The following PPARGC1A variants were observed in gnomAD, a reference collection of about 807,000 sequenced individuals.
PPARGC1A encodes the protein PPARG coactivator 1 alpha, also known as peroxisome proliferator-activated receptor gamma coactivator 1-alpha.
In PPARGC1A, 25 loss-of-function variants were observed where a neutral mutation model predicts 88.7. The ratio of observed to expected loss-of-function variants is 0.28; its 90% CI spans 0.21 to 0.39. The LOEUF (loss-of-function observed/expected upper bound fraction) is 0.39, where lower values mean the gene tolerates loss of function less well. Among genes scored for constraint, PPARGC1A ranks in the 10% least tolerant of loss-of-function variants. The pLI is 1.00. For missense variants in PPARGC1A, 880 were observed against 968.7 expected (o/e 0.91, Z 1.22); for synonymous variants, 363 against 355.6 (o/e 1.02, Z -0.24).
At chr4:24,253,054 A>G in the PPARGC1A span, among the ~76,000 whole-genome samples, 1 of 152,170 alleles carries the variant, frequency 6.6e-6, no homozygotes, top group Non-Finnish European at 1.5e-5. Context: ...TCAGAAAAAT[A>G]ATGGTCAAGG....
chr4:24,195,600 C>A, the PPARGC1A span, among the ~76,000 whole-genome samples: 1 of 152,192 alleles, frequency 6.6e-6, no homozygotes, highest in Non-Finnish European at 1.5e-5. Context: ...GAACATCAAA[C>A]AGCAAGCAGG....
the PPARGC1A span, among the ~76,000 whole-genome samples, chr4:24,275,082 C>G: frequency 6.6e-6 from 1 of 152,216 alleles, no homozygotes; most frequent in South Asian, 2.1e-4. Context: ...AGCCCTCACA[C>G]GGGAAGTACT....
the PPARGC1A span, among the ~76,000 whole-genome samples, chr4:24,342,791 C>T: frequency 6.6e-4 from 100 of 152,316 alleles, no homozygotes; most frequent in African/African-American, 2.2e-3. Context: ...CTGTTGGGTT[C>T]TATCATGGGC....
the PPARGC1A span, among the ~76,000 whole-genome samples, chr4:24,469,240 TTTC>T: frequency 6.6e-6 from 1 of 152,234 alleles, no homozygotes; most frequent in Non-Finnish European, 1.5e-5. Context: ...TTGTATTCTT[TTTC>T]TTCTTAGGAA....
chr4:23,807,943 C>A (rs984215182), intron 10 of PPARGC1A, among the ~76,000 whole-genome samples: 49 of 152,222 alleles, frequency 3.2e-4, no homozygotes, highest in Non-Finnish European at 2.9e-5. Flanking sequence ...CACAAAATAT[C>A]TCTTTAAAGA....
At chr4:23,924,530 G>T in the PPARGC1A span, among the ~76,000 whole-genome samples, 1 of 152,100 alleles carries the variant, frequency 6.6e-6, no homozygotes, top group Non-Finnish European at 1.5e-5. Context: ...GCTGAGGCAG[G>T]AGAATCACTT....
chr4:23,804,048 A>T (rs1225528805), intron 10 of PPARGC1A, among the ~76,000 whole-genome samples: 1 of 152,270 alleles, frequency 6.6e-6, no homozygotes, highest in East Asian at 1.9e-4. Context: ...TTATTCTACC[A>T]CATGTAACAT....
chr4:24,149,917 T>A, the PPARGC1A span, among the ~76,000 whole-genome samples: 8 of 152,210 alleles, frequency 5.3e-5, no homozygotes, highest in African/African-American at 1.2e-4. Context: ...TTGAAATTCA[T>A]TGATCTGGAA....
chr4:24,287,737 G>GT, the PPARGC1A span, among the ~76,000 whole-genome samples: 1 of 151,820 alleles, frequency 6.6e-6, no homozygotes, highest in Non-Finnish European at 1.5e-5. Flanking sequence ...GAAGACAGCA[G>GT]TAAAAAATGC....
chr4:24,014,390 T>G, the PPARGC1A span, among the ~76,000 whole-genome samples: 1 of 152,340 alleles, frequency 6.6e-6, no homozygotes, highest in African/African-American at 2.4e-5. Context: ...GATCTTTTGA[T>G]GTTTGTATTC....
At chr4:24,219,738 G>A in the PPARGC1A span, among the ~76,000 whole-genome samples, 1 of 152,070 alleles carries the variant, frequency 6.6e-6, no homozygotes, top group Non-Finnish European at 1.5e-5. Flanking sequence ...ATCAGTGTGG[G>A]GTACCTCAGA....
chr4:24,002,140 C>T, the PPARGC1A span, among the ~76,000 whole-genome samples: 24 of 148,426 alleles, frequency 1.6e-4, no homozygotes, highest in African/African-American at 6.0e-4. Flanking sequence ...TGAAGACAAA[C>T]ATTTCTGGAA....
At chr4:24,298,141 C>T in the PPARGC1A span, among the ~76,000 whole-genome samples, 7 of 151,060 alleles carry the variant, frequency 4.6e-5, no homozygotes, top group East Asian at 1.4e-3. Context: ...TCATCTTTAT[C>T]ACACAGCCAG....
At chr4:24,045,034 A>G in the PPARGC1A span, among the ~76,000 whole-genome samples, 5 of 152,058 alleles carry the variant, frequency 3.3e-5, no homozygotes, top group Non-Finnish European at 5.9e-5. Flanking sequence ...ACTGCTTCCT[A>G]ATTTCCCTGG....
At chr4:24,379,872 G>A in the PPARGC1A span, among the ~76,000 whole-genome samples, 2 of 149,846 alleles carry the variant, frequency 1.3e-5, no homozygotes, top group South Asian at 2.1e-4. Flanking sequence ...TCCACCTCCC[G>A]GGTTCAAGTG....
At chr4:23,891,071 T>C (rs1339826385), upstream of PPARGC1A, among the ~76,000 whole-genome samples, 5 of 152,304 alleles carry the variant, frequency 3.3e-5, no homozygotes, top group Admixed American at 3.3e-4. Context: ...ATTCAATTCC[T>C]GAGCTTTACT....
At chr4:23,848,066 A>C (rs529905952) in intron 2 of PPARGC1A, among the ~76,000 whole-genome samples, 88 of 152,266 alleles carry the variant, frequency 5.8e-4, no homozygotes, top group African/African-American at 2.0e-3. Context: ...TTGATCTGTA[A>C]AAAGGCAGAA....
chr4:24,129,366 T>C, the PPARGC1A span, among the ~76,000 whole-genome samples: 10 of 152,270 alleles, frequency 6.6e-5, 1 homozygote, highest in South Asian at 2.1e-3. Context: ...TCCATAGGGC[T>C]AGGATTAAAT....
the PPARGC1A span, among the ~76,000 whole-genome samples, chr4:24,410,300 CAT>C: frequency 2.6e-5 from 4 of 151,598 alleles, no homozygotes; most frequent in South Asian, 2.1e-4. Flanking sequence ...TACACATACA[CAT>C]ATGTGTATGG....
Sources: gnomAD v4.1 joint callset for allele counts (sites outside exome capture counted in the v4.1 genomes callset) on GRCh38, gnomAD v4.1.1 for gene constraint, MANE v1.5 for transcripts, NCBI Gene and HGNC (gene_info 2026-07-23, HGNC 2026-07-21) for gene names.